The following RAD51AP2 variants were observed in gnomAD, a reference collection of about 807,000 sequenced individuals.
RAD51AP2 encodes RAD51 associated protein 2.
In RAD51AP2, 67 loss-of-function variants were observed where a neutral mutation model predicts 85.5. The ratio of observed to expected loss-of-function variants is 0.78; its 90% CI spans 0.64 to 0.96. The LOEUF (loss-of-function observed/expected upper bound fraction) is 0.96, where lower values mean the gene tolerates loss of function less well. RAD51AP2 is among the 40% of genes least tolerant of loss of function. RAD51AP2 has a pLI of 0.00. For missense variants in RAD51AP2, 1,307 were observed against 1,332.4 expected, an observed-to-expected ratio of 0.98 and a Z score of 0.30; for synonymous variants, 474 against 446.5, an observed-to-expected ratio of 1.06 and a Z score of -0.78.
Position 17,515,562 on chromosome 2 carries a change from A to T in RAD51AP2, c.2854T>A (p.Ser952Thr). ...CFQDLAAKYL[S>T]TEALTIVKDF... ...TTTACTATTGTCAGAGCTTCTGTTG[A>T]TAAATATTTAGCAGCTAAGTCCTGA... The change falls in exon 1 of 3, where the codon TCA (serine) becomes ACA (threonine). Residue 952 changes from serine to threonine, a missense_variant. Physicochemically the swap from Ser to Thr is moderately conservative, Grantham distance 58. Coordinates refer to ENST00000399080, the MANE Select transcript of RAD51AP2 (RefSeq NM_001099218.3). 1 of 1,608,308 alleles carries T rather than the reference A, an allele frequency of 6.2e-7. No homozygotes were observed. The highest frequency in any genetic ancestry group is 1.3e-5 in the African/African-American group (1 of 74,606).
the RAD51AP2 span, among the ~76,000 whole-genome samples, chr2:17,530,356 TA>T: frequency 6.6e-6 from 1 of 152,116 alleles, no homozygotes; most frequent in Non-Finnish European, 1.5e-5. Flanking sequence ...TAAATGATCC[TA>T]CAAGTTATTT....
At chr2:17,533,289 A>G in the RAD51AP2 span, among the ~76,000 whole-genome samples, 131 of 152,214 alleles carry the variant, frequency 8.6e-4, no homozygotes, top group Non-Finnish European at 1.7e-3. Context: ...TGCAAGAAAC[A>G]TGTCCAGCAG....
upstream of RAD51AP2, among the ~76,000 whole-genome samples, chr2:17,518,609 T>A (rs1662782429): frequency 2.4e-5 from 1 of 41,608 alleles, no homozygotes; most frequent in Non-Finnish European, 4.8e-5. Flanking sequence ...CCTCAGTCCC[T>A]CCTCTCCCTG....
At chr2:17,512,798 T>A (rs1380928270) in intron 2 of RAD51AP2, among the ~76,000 whole-genome samples, 3 of 152,216 alleles carry the variant, frequency 2.0e-5, no homozygotes, top group Non-Finnish European at 2.9e-5. Flanking sequence ...GTTACTTCCT[T>A]CATCCCGGGG....
upstream of RAD51AP2, among the ~76,000 whole-genome samples, chr2:17,522,155 C>T (rs1417387817): frequency 1.3e-5 from 2 of 151,776 alleles, no homozygotes; most frequent in African/African-American, 4.8e-5. Context: ...CCTTTGATGC[C>T]CTTCAGAATA....
chr2:17,520,544 GATTT>G (rs1662836193), upstream of RAD51AP2, among the ~76,000 whole-genome samples: 1 of 151,994 alleles, frequency 6.6e-6, no homozygotes, highest in African/African-American at 2.4e-5. Flanking sequence ...GCATCTATCT[GATTT>G]CTTTTAGCGT....
In RAD51AP2 at chr2:17,517,596, AGACAGAGGACATTTT is replaced by A; in HGVS notation, c.805_819del (p.Lys269_Val273del). 6.2e-7 allele frequency: 1 copy of A among 1,613,962 alleles called. No homozygotes were observed. The highest frequency in any genetic ancestry group is 8.5e-7 in the Non-Finnish European group (1 of 1,179,938). ...TTTTTCTTCGCTATTTCCTTTAAAT[AGACAGAGGACATTTT>A]GCTATTTAAGTCCATTGGAAACTGA... On this transcript the variant is annotated inframe_deletion, in exon 1 of 3. Transcript: ENST00000399080.
chr2:17,526,300 A>G, the RAD51AP2 span, among the ~76,000 whole-genome samples: 3 of 152,050 alleles, frequency 2.0e-5, no homozygotes, highest in African/African-American at 7.2e-5. Context: ...TGTGCTCATC[A>G]CTGTTCTGGA....
the RAD51AP2 span, among the ~76,000 whole-genome samples, chr2:17,534,061 T>C: frequency 4.0e-3 from 617 of 152,358 alleles, 6 homozygotes; most frequent in African/African-American, 0.014. Flanking sequence ...CCTTCTTTGT[T>C]ATATTTCAAG....
At chr2:17,530,714 T>C in the RAD51AP2 span, among the ~76,000 whole-genome samples, 2 of 151,960 alleles carry the variant, frequency 1.3e-5, no homozygotes, top group African/African-American at 2.4e-5. Flanking sequence ...AATAATAATA[T>C]TAATGGTCCA....
Position 17,517,544 on chromosome 2 carries a change from C to G in RAD51AP2, c.872G>C (p.Arg291Thr). The part of the protein sequence containing the change: ...KKNDKKEAYV[R>T]DFTNIYWSQN... ...GGACCAGTAAATGTTTGTGAAATCC[C>G]TAACATATGCCTCTTTTTTGTCATT... The change falls in exon 1 of 3, where the codon AGG becomes ACG. Residue 291 changes from arginine to threonine, a missense_variant. This residue lies in a region of RAD51AP2 where 635 missense variants were observed against 643.6 expected (regional missense o/e 0.99). Coordinates refer to ENST00000399080, the MANE Select transcript of RAD51AP2 (RefSeq NM_001099218.3). 1 of 1,613,766 alleles carries G rather than the reference C, an allele frequency of 6.2e-7. No homozygotes were observed.
Position 17,517,239 on chromosome 2 carries a change from G to A in RAD51AP2, c.1177C>T (p.Gln393Ter), listed in dbSNP as rs554247996. Residue 393 changes from glutamine to a stop codon, truncating the protein, a stop_gained, in exon 1 of 3, where the codon CAA (glutamine) becomes TAA (stop). Transcript: ENST00000399080. LOFTEE classifies it high-confidence loss of function. ...TGTCTAACGTTACAGTCCCAGTTTT[G>A]AGATTTTTCCAGCCTGGTAAGTACG... ...SYVLTRLEKSQNWDCNVRHIL... is the reference protein window; with the variant it reads ...SYVLTRLEKS 3 of 1,613,714 alleles carry A rather than the reference G, an allele frequency of 1.9e-6. No homozygotes were observed. The highest frequency in any genetic ancestry group is 2.7e-5 in the African/African-American group (2 of 74,904).
At chr2:17,537,393 A>G in the RAD51AP2 span, among the ~76,000 whole-genome samples, 8 of 152,200 alleles carry the variant, frequency 5.3e-5, no homozygotes, top group Non-Finnish European at 8.8e-5. Flanking sequence ...TGTAATGATT[A>G]ATACCCTTTG....
Position 17,514,749 on chromosome 2 carries a change from C to G in RAD51AP2, c.3247+420G>C, listed in dbSNP as rs559230567. 1.0e-3 allele frequency among the ~76,000 whole-genome samples: 159 copies of G among 152,052 alleles called. 1 individual carries two copies. Among genetic ancestry groups the G allele is most frequent in the African/African-American group, 3.7e-3 (152 of 41,484 alleles). On this transcript the variant is annotated intron_variant, in intron 1 of 2. Coordinates refer to ENST00000399080, the MANE Select transcript of RAD51AP2 (RefSeq NM_001099218.3). ...TGTGCCACTGCACTCCAGCCTGGGCCACAGAGCTCGACTCTGTCTCAAAAA... is the reference window on the plus strand; with the variant it reads ...TGTGCCACTGCACTCCAGCCTGGGCGACAGAGCTCGACTCTGTCTCAAAAA...
the RAD51AP2 span, among the ~76,000 whole-genome samples, chr2:17,529,820 A>T: frequency 6.6e-6 from 1 of 152,262 alleles, no homozygotes; most frequent in South Asian, 2.1e-4. Context: ...ATCACATTGT[A>T]ATCTGAATCT....
At chr2:17,535,893 AATG>A in the RAD51AP2 span, among the ~76,000 whole-genome samples, 1 of 149,634 alleles carries the variant, frequency 6.7e-6, no homozygotes, top group Admixed American at 6.7e-5. Flanking sequence ...CCCCCTTAGG[AATG>A]ATAAGATGAA....
the RAD51AP2 span, among the ~76,000 whole-genome samples, chr2:17,528,369 T>C: frequency 2.6e-5 from 4 of 152,218 alleles, no homozygotes; most frequent in Admixed American, 2.6e-4. Flanking sequence ...CAAATAATCA[T>C]TAAATCAGTA....
chr2:17,531,884 C>A, the RAD51AP2 span, among the ~76,000 whole-genome samples: 37 of 152,258 alleles, frequency 2.4e-4, no homozygotes, highest in African/African-American at 8.9e-4. Flanking sequence ...AACCATAGAT[C>A]TCTACTTTTT....
chr2:17,514,913 T>C (rs1012771397), intron 1 of RAD51AP2, among the ~76,000 whole-genome samples: 79 of 145,474 alleles, frequency 5.4e-4, no homozygotes, highest in Non-Finnish European at 9.9e-4. Flanking sequence ...TGAAAACACC[T>C]TTTTTTTTTT....
Sources: gnomAD v4.1 joint callset for allele counts (sites outside exome capture counted in the v4.1 genomes callset) on GRCh38, gnomAD v4.1.1 for gene constraint, gnomAD v4.1.1 regional missense constraint, MANE v1.5 for transcripts, NCBI Gene and HGNC (gene_info 2026-07-23, HGNC 2026-07-21) for gene names.